ROPN1L: variants seen among roughly 807,000 people sequenced by gnomAD.
The protein encoded by ROPN1L is rhophilin associated tail protein 1 like.
A neutral mutation model predicts 22.7 loss-of-function variants in ROPN1L; 23 were observed. That is an observed-to-expected ratio of 1.01 (90% CI 0.73 to 1.43). The LOEUF (loss-of-function observed/expected upper bound fraction) is 1.43, where lower values mean the gene tolerates loss of function less well. Ranked by LOEUF, ROPN1L falls within the 40% of genes most tolerant of loss-of-function variation. The pLI is 0.00. For synonymous variants in ROPN1L, 116 were observed against 117.8 expected, an observed-to-expected ratio of 0.98 and a Z score of 0.10; for missense variants, 271 against 291.5, an observed-to-expected ratio of 0.93 and a Z score of 0.51.
chr5:10,448,347 C>T lies in ROPN1L; in HGVS notation c.219C>T (p.Gly73=). ...MPTATQKTDT[G]LTQGLLKVLH... Reference sequence around the variant, plus strand: ...CGGCAACCCAGAAAACAGACACAGGCCTGACTCAAGGACTCCTGAAAGTTT... The same window carrying T: ...CGGCAACCCAGAAAACAGACACAGGTCTGACTCAAGGACTCCTGAAAGTTT... The change falls in exon 2 of 5, where the codon GGC becomes GGT. Residue 73 remains glycine (G), a synonymous_variant. Coordinates refer to ENST00000274134, the MANE Select transcript of ROPN1L (RefSeq NM_031916.5). 3.7e-6 allele frequency: 6 copies of T among 1,614,198 alleles called. No individual in the cohort carries two copies. Among genetic ancestry groups the T allele is most frequent in the Non-Finnish European group, 4.2e-6 (5 of 1,180,030 alleles).
Position 10,442,102 on chromosome 5 carries a change from C to G in ROPN1L, c.-66C>G, listed in dbSNP as rs779041842. 8 of 1,566,670 alleles carry G rather than the reference C, an allele frequency of 5.1e-6. No individual in the cohort carries two copies. The highest frequency in any genetic ancestry group is 7.0e-6 in the Non-Finnish European group (8 of 1,148,378). The stretch of plus-strand genomic sequence containing the variant: ...GCTAGCGGGTCCACCGCGTCGTAGC[C>G]GACAGCCGCCCTTCTTCCTCGCAGC... On this transcript the variant is annotated 5_prime_UTR_variant, in exon 1 of 5. Coordinates refer to ENST00000274134, the MANE Select transcript of ROPN1L (RefSeq NM_031916.5).
downstream of ROPN1L, among the ~76,000 whole-genome samples, chr5:10,473,897 A>C (rs1735283715): frequency 6.6e-6 from 1 of 152,140 alleles, no homozygotes; most frequent in South Asian, 2.1e-4. Context: ...CATGCCTGTA[A>C]TCCCAACACT....
intron 4 of ROPN1L, among the ~76,000 whole-genome samples, chr5:10,462,452 G>A (rs981175581): frequency 7.2e-5 from 11 of 152,324 alleles, no homozygotes; most frequent in East Asian, 5.8e-4. Context: ...GACCTCTCCC[G>A]TGGCTCCCAC....
chr5:10,461,595 C>T (rs1364993685), intron 4 of ROPN1L: 2 of 428,346 alleles, frequency 4.7e-6, no homozygotes, highest in African/African-American at 4.1e-5. Flanking sequence ...CCCTGTCTAC[C>T]TGGAGATAGC....
At chr5:10,452,527 A>G (rs2673902) in intron 3 of ROPN1L, among the ~76,000 whole-genome samples, 142,183 of 151,660 alleles carry the variant, frequency 0.94, 67,055 homozygotes, top group East Asian at 1. Context: ...TAGTAGAGAC[A>G]GCGTTTCACC....
chr5:10,480,672 C>T, the ROPN1L span, among the ~76,000 whole-genome samples: 4 of 151,754 alleles, frequency 2.6e-5, no homozygotes, highest in Non-Finnish European at 4.4e-5. Flanking sequence ...TCCAAGGACC[C>T]GCAGCATCAG....
intron 1 of ROPN1L, among the ~76,000 whole-genome samples, chr5:10,445,931 A>AAAAC (rs769506812): frequency 1.3e-5 from 2 of 152,212 alleles, no homozygotes; most frequent in Admixed American, 6.5e-5. Flanking sequence ...TAAAAAAGAA[A>AAAAC]AAACAAACAA....
In ROPN1L at chr5:10,447,317, G is replaced by T. The variant is rs180957543; in HGVS notation, c.132-943G>T. Among the ~76,000 whole-genome samples the T allele has an allele frequency of 5.9e-5, 9 of 152,298 alleles. No individual in the cohort carries two copies. In the East Asian group the frequency reaches 1.7e-3, roughly 29 times the overall value. ...ACCACGAGCCAGAGGCTGGGTGTGG[G>T]TTCCCTCTTGACTTATTGCCCCAAC... On this transcript the variant is annotated intron_variant, in intron 1 of 4. Coordinates refer to ENST00000274134, the MANE Select transcript of ROPN1L (RefSeq NM_031916.5).
At chr5:10,459,550 A>G (rs376195868) in intron 3 of ROPN1L, among the ~76,000 whole-genome samples, 3 of 151,684 alleles carry the variant, frequency 2.0e-5, no homozygotes, top group Admixed American at 6.6e-5. Flanking sequence ...CATCCCGCTG[A>G]CCTCATTTCC....
chr5:10,452,303 G>C (rs1344958410), intron 3 of ROPN1L, among the ~76,000 whole-genome samples: 1 of 145,312 alleles, frequency 6.9e-6, no homozygotes, highest in Non-Finnish European at 1.5e-5. Context: ...GTGTGTGTGT[G>C]TGTGTGTGTG....
downstream of ROPN1L, among the ~76,000 whole-genome samples, chr5:10,466,415 A>G (rs1426480262): frequency 6.6e-6 from 1 of 152,300 alleles, no homozygotes; most frequent in East Asian, 1.9e-4. Flanking sequence ...AATCTCACCC[A>G]ATGCTGACCA....
Position 10,456,402 on chromosome 5 carries a change from C to T in ROPN1L, c.418-4782C>T, listed in dbSNP as rs189745518. The stretch of plus-strand genomic sequence containing the variant: ...ATTCAGGAGGCTGAGGCAGGAGAAT[C>T]GCTTGAACCCAGGAGGCGGAGGTTG... On this transcript the variant is annotated intron_variant, in intron 3 of 4. Coordinates refer to ENST00000274134, the MANE Select transcript of ROPN1L (RefSeq NM_031916.5). 2.1e-3 allele frequency among the ~76,000 whole-genome samples: 322 copies of T among 152,270 alleles called. 1 individual carries two copies. Among genetic ancestry groups the T allele is most frequent in the East Asian group, 0.019 (96 of 5,180 alleles).
At chr5:10,446,012 G>A (rs2011318) in intron 1 of ROPN1L, among the ~76,000 whole-genome samples, 23,644 of 152,236 alleles carry the variant, frequency 0.16, 3,038 homozygotes, top group East Asian at 0.67. Flanking sequence ...TGCTTTTCAG[G>A]TGGGCAAATA....
At chr5:10,445,281 T>G (rs1242040512) in intron 1 of ROPN1L, among the ~76,000 whole-genome samples, 2 of 152,194 alleles carry the variant, frequency 1.3e-5, no homozygotes, top group African/African-American at 4.8e-5. Flanking sequence ...AAGAACAATT[T>G]GTGAGTTTAG....
At chr5:10,445,183 G>A (rs1315601539) in intron 1 of ROPN1L, among the ~76,000 whole-genome samples, 21 of 152,046 alleles carry the variant, frequency 1.4e-4, no homozygotes, top group African/African-American at 4.6e-4. Flanking sequence ...TGTTGGCCAC[G>A]CTGGTCTGGA....
At chr5:10,448,192 A>G in intron 1 of ROPN1L, 68 bp from the exon 2 acceptor site, 1 of 1,584,918 alleles carries the variant, frequency 6.3e-7, no homozygotes, top group Middle Eastern at 1.7e-4. Context: ...GGGGTTATTT[A>G]AGAAATTGGA....
intron 3 of ROPN1L, among the ~76,000 whole-genome samples, chr5:10,454,398 A>G (rs911341683): frequency 2.0e-5 from 3 of 152,206 alleles, no homozygotes; most frequent in African/African-American, 7.2e-5. Context: ...TCTGAGATTT[A>G]TAGGTACAAG....
chr5:10,461,184 T>C lies in ROPN1L; in HGVS notation c.418T>C (p.Ser140Pro), dbSNP rs554489516. 1 of 1,612,578 alleles carries C rather than the reference T, an allele frequency of 6.2e-7. No individual in the cohort carries two copies. The highest frequency in any genetic ancestry group is 8.5e-7 in the Non-Finnish European group (1 of 1,179,360). The change falls in exon 4 of 5, where the codon TCC (serine) becomes CCC (proline). Residue 140 changes from serine (S) to proline (P), a missense_variant and splice_region_variant. Ser to Pro is a moderately conservative substitution (Grantham distance 74). Coordinates refer to ENST00000274134, the MANE Select transcript of ROPN1L (RefSeq NM_031916.5). ...CCCCACCTGGCTGTGGTGCTCCCAG[T>C]CCTTGAACACTGCGCTGAAGCACCT... ...LALGCSMLGG[S>P]LNTALKHLCE...
downstream of ROPN1L, among the ~76,000 whole-genome samples, chr5:10,466,006 C>G (rs1034494869): frequency 2.0e-5 from 3 of 152,210 alleles, no homozygotes; most frequent in African/African-American, 7.2e-5. Flanking sequence ...GCTGCCTGGC[C>G]TAGCGTCCGT....
Sources: gnomAD v4.1 joint callset for allele counts (sites outside exome capture counted in the v4.1 genomes callset) on GRCh38, gnomAD v4.1.1 for gene constraint, MANE v1.5 for transcripts, NCBI Gene and HGNC (gene_info 2026-07-23, HGNC 2026-07-21) for gene names.